Variants in PRKCE observed in about 807,000 individuals in gnomAD.
PRKCE encodes the protein protein kinase C epsilon, also known as protein kinase C epsilon type.
PRKCE carries 16 observed loss-of-function variants against 85.4 expected under a neutral mutation model. That is an observed-to-expected ratio of 0.19 (90% CI 0.13 to 0.28). The LOEUF (loss-of-function observed/expected upper bound fraction) is 0.28. Among genes scored for constraint, PRKCE ranks in the 10% least tolerant of loss-of-function variants. The probability of loss-of-function intolerance (pLI) is 1.00; values close to 1 mark genes in which losing one functional copy is unlikely to be tolerated. For synonymous variants in PRKCE, 388 were observed against 371.5 expected (o/e 1.04, Z -0.51); for missense variants, 573 against 975.2 (o/e 0.59, Z 5.49).
chr2:46,054,978 C>G (rs972869830), intron 10 of PRKCE, among the ~76,000 whole-genome samples: 1 of 152,178 alleles, frequency 6.6e-6, no homozygotes. Flanking sequence ...CACTCCATCC[C>G]CTTTTCAGCT....
At chr2:46,118,144 G>T (rs899344175) in intron 11 of PRKCE, among the ~76,000 whole-genome samples, 1 of 152,210 alleles carries the variant, frequency 6.6e-6, no homozygotes, top group Non-Finnish European at 1.5e-5. Flanking sequence ...AACTCTAGAG[G>T]AAAAGCTTAG....
chr2:45,670,574 A>G (rs1472585616), intron 1 of PRKCE, among the ~76,000 whole-genome samples: 2 of 152,226 alleles, frequency 1.3e-5, no homozygotes, highest in African/African-American at 4.8e-5. Context: ...AAAAACATTG[A>G]GAAATATTGC....
intron 2 of PRKCE, among the ~76,000 whole-genome samples, chr2:45,914,403 G>T (rs1326393303): frequency 1.3e-5 from 2 of 152,222 alleles, no homozygotes; most frequent in East Asian, 3.8e-4. Context: ...CAGAGGGCTG[G>T]TGGCTCCCTG....
At chr2:45,835,832 C>T (rs977004651) in intron 1 of PRKCE, among the ~76,000 whole-genome samples, 32 of 152,206 alleles carry the variant, frequency 2.1e-4, no homozygotes, top group African/African-American at 7.5e-4. Flanking sequence ...TGGCTTGAAG[C>T]GATCCTCCTG....
chr2:46,170,907 T>C (rs1340095535), intron 14 of PRKCE, among the ~76,000 whole-genome samples: 3 of 152,188 alleles, frequency 2.0e-5, no homozygotes, highest in Non-Finnish European at 4.4e-5. Flanking sequence ...AACTGGGCCT[T>C]TGCCAGGGCC....
intron 10 of PRKCE, among the ~76,000 whole-genome samples, chr2:46,036,977 A>G (rs1300742436): frequency 3.9e-5 from 6 of 152,314 alleles, no homozygotes; most frequent in African/African-American, 1.2e-4. Context: ...AGGCCCTGGT[A>G]GATGCTGACT....
At position 46,169,373 on chromosome 2, in the gene PRKCE, C is replaced by T. The variant is rs576533805; in HGVS notation, c.2067+9621C>T. Among the ~76,000 whole-genome samples the T allele has an allele frequency of 1.5e-3, 224 of 152,318 alleles. 1 individual carries two copies. The highest frequency in any genetic ancestry group is 2.5e-3 in the Non-Finnish European group (173 of 68,028). ...TAAGTTTCCACATCAACCTCAGTCT[C>T]CTCACTGTGAGAAGGCCTGGCCACA... On this transcript the variant is annotated intron_variant, in intron 14 of 14. Transcript: ENST00000306156.
At chr2:45,738,719 A>G (rs1391112290) in intron 1 of PRKCE, among the ~76,000 whole-genome samples, 1 of 152,216 alleles carries the variant, frequency 6.6e-6, no homozygotes, top group Non-Finnish European at 1.5e-5. Context: ...TTTGATTGTC[A>G]TATATGGCCT....
intron 2 of PRKCE, among the ~76,000 whole-genome samples, chr2:45,973,163 C>A (rs1019120100): frequency 2.1e-4 from 32 of 152,178 alleles, no homozygotes; most frequent in Non-Finnish European, 4.4e-4. Context: ...CTGAAGGGAT[C>A]CGTTTCTGGT....
At chr2:45,790,492 G>A (rs1249408628) in intron 1 of PRKCE, among the ~76,000 whole-genome samples, 1 of 152,146 alleles carries the variant, frequency 6.6e-6, no homozygotes, top group Non-Finnish European at 1.5e-5. Context: ...CTTGTAGGAT[G>A]TATCTATTAA....
chr2:45,827,153 G>A (rs943521504), intron 1 of PRKCE, among the ~76,000 whole-genome samples: 25 of 152,216 alleles, frequency 1.6e-4, no homozygotes, highest in South Asian at 2.1e-4. Flanking sequence ...ACACCCGTCT[G>A]CTTCAACTAC....
intron 2 of PRKCE, among the ~76,000 whole-genome samples, chr2:45,855,065 T>C (rs1692569608): frequency 6.6e-6 from 1 of 152,232 alleles, no homozygotes; most frequent in African/African-American, 2.4e-5. Flanking sequence ...CAAATTTATA[T>C]ATTAGCTAGA....
chr2:45,994,023 C>G (rs1017080087), intron 6 of PRKCE, among the ~76,000 whole-genome samples: 1 of 152,064 alleles, frequency 6.6e-6, no homozygotes, highest in African/African-American at 2.4e-5. Context: ...GGGGGGCTCT[C>G]TCCAGACAGG....
chr2:46,019,141 A>AAGG (rs1353613549), intron 10 of PRKCE, among the ~76,000 whole-genome samples: 1 of 152,256 alleles, frequency 6.6e-6, no homozygotes, highest in Non-Finnish European at 1.5e-5. Context: ...TCTTTGAATA[A>AAGG]CCTGATTTTG....
chr2:45,939,557 T>C (rs1463104267), intron 2 of PRKCE, among the ~76,000 whole-genome samples: 2 of 132,522 alleles, frequency 1.5e-5, no homozygotes, highest in South Asian at 4.9e-4. Flanking sequence ...AGTTAGTTAA[T>C]GCACTTTTTT....
At chr2:45,679,034 C>T (rs923260937) in intron 1 of PRKCE, among the ~76,000 whole-genome samples, 4 of 152,012 alleles carry the variant, frequency 2.6e-5, no homozygotes, top group Admixed American at 2.0e-4. Flanking sequence ...CACTAATGCC[C>T]AACTTCTACA....
intron 11 of PRKCE, among the ~76,000 whole-genome samples, chr2:46,141,720 G>A (rs1675552075): frequency 6.7e-6 from 1 of 149,942 alleles, no homozygotes; most frequent in Admixed American, 6.7e-5. Flanking sequence ...CTTAAAATAT[G>A]TCCCATTCCT....
intron 1 of PRKCE, among the ~76,000 whole-genome samples, chr2:45,664,113 C>G (rs1260913466): frequency 6.6e-6 from 1 of 152,194 alleles, no homozygotes; most frequent in Non-Finnish European, 1.5e-5. Context: ...TCTATGCTGA[C>G]AATCTCACAT....
At chr2:46,158,151 G>C (rs779847001) in intron 13 of PRKCE, among the ~76,000 whole-genome samples, 10 of 152,218 alleles carry the variant, frequency 6.6e-5, no homozygotes, top group Non-Finnish European at 1.3e-4. Flanking sequence ...CCAAGGGGAA[G>C]AGATGTTTAG....
Sources: gnomAD v4.1 joint callset for allele counts (sites outside exome capture counted in the v4.1 genomes callset) on GRCh38, gnomAD v4.1.1 for gene constraint, MANE v1.5 for transcripts, NCBI Gene and HGNC (gene_info 2026-07-23, HGNC 2026-07-21) for gene names.